IPO11: variants seen among roughly 807,000 people sequenced by gnomAD.
IPO11 encodes importin-11.
In IPO11, 66 loss-of-function variants were observed where a neutral mutation model predicts 143.2. The ratio of observed to expected loss-of-function variants is 0.46; its 90% CI spans 0.38 to 0.57. The LOEUF (loss-of-function observed/expected upper bound fraction) is 0.57. IPO11 is among the 20% of genes least tolerant of loss of function. IPO11 has a pLI of 0.00. For missense variants in IPO11, 1,026 were observed against 1,141.0 expected (o/e 0.90, Z 1.45); for synonymous variants, 385 against 377.8 (o/e 1.02, Z -0.22).
chr5:62,483,847 T>C (rs1322060639), intron 10 of IPO11, among the ~76,000 whole-genome samples, 163 bp from the exon 11 acceptor site: 1 of 152,188 alleles, frequency 6.6e-6, no homozygotes, highest in East Asian at 1.9e-4. Context: ...GAGTGTGTTG[T>C]AAGGAAAGAG....
At chr5:62,418,796 C>T (rs1743387820) in intron 1 of IPO11, 2 of 423,464 alleles carry the variant, frequency 4.7e-6, no homozygotes, top group Non-Finnish European at 8.4e-6. Context: ...GTCTCCAAGT[C>T]TCTGTTAATA....
rs1294281303 is a variant in IPO11, at chr5:62,470,235, G to A, written c.650-15G>A. The A allele has an allele frequency of 6.2e-7, 1 of 1,610,634 alleles. No homozygotes were observed. Among genetic ancestry groups the A allele is most frequent in the East Asian group, 2.2e-5 (1 of 44,758 alleles). The stretch of plus-strand genomic sequence containing the variant: ...ATAAAATAAGATTCAAGTAAAGCTT[G>A]CTTTTGCTTTTCAGTGCTGCGTAAG... On this transcript the variant is annotated splice_polypyrimidine_tract_variant and intron_variant, in intron 6 of 29. Coordinates refer to ENST00000325324, the MANE Select transcript of IPO11 (RefSeq NM_016338.5).
In IPO11 at chr5:62,620,570, G is replaced by A. The variant is rs1746319014; in HGVS notation, c.2764-6584G>A. Among the ~76,000 whole-genome samples the A allele has an allele frequency of 2.0e-5, 3 of 150,688 alleles. 1 individual carries two copies. Among genetic ancestry groups the A allele is most frequent in the African/African-American group, 7.3e-5 (3 of 41,018 alleles). On this transcript the variant is annotated intron_variant, in intron 29 of 29. Coordinates refer to ENST00000325324, the MANE Select transcript of IPO11 (RefSeq NM_016338.5). ...TTGGTCCAGAAAGGTGGGACAAAAT[G>A]TAGAGGCAGGAGGCTTTCAGATTAT... is the stretch of plus-strand genomic sequence containing the variant.
intron 3 of IPO11, among the ~76,000 whole-genome samples, chr5:62,443,633 G>GAA (rs139609720): frequency 1.4e-3 from 210 of 149,272 alleles, no homozygotes; most frequent in African/African-American, 5.0e-3. Context: ...TTAGGATTTG[G>GAA]AAGAAAAAAA....
chr5:62,555,479 A>ATTTATTTAT (rs1743543337), intron 26 of IPO11, among the ~76,000 whole-genome samples: 4 of 137,188 alleles, frequency 2.9e-5, no homozygotes, highest in Admixed American at 1.5e-4. Flanking sequence ...CACCTGGCTA[A>ATTTATTTAT]TTATTTATTT....
Position 62,490,115 on chromosome 5 carries a change from T to C in IPO11, c.1358T>C (p.Val453Ala), listed in dbSNP as rs1279800184. 1.3e-6 allele frequency: 2 copies of C among 1,566,482 alleles called. No homozygotes were observed. The highest frequency in any genetic ancestry group is 1.7e-6 in the Non-Finnish European group (2 of 1,160,230). The change falls in exon 15 of 30, where the codon GTG becomes GCG. Residue 453 changes from valine (V) to alanine (A), a missense_variant and splice_region_variant. Transcript: ENST00000325324. ...DMNALLIKDAVYNAVGLAAYE... is the reference protein window; with the variant it reads ...DMNALLIKDAAYNAVGLAAYE... ...TTTTTTTCTTAAATTTTCTTCTCAGTGTATAATGCTGTTGGATTAGCTGCT... is the reference window on the plus strand; with the variant it reads ...TTTTTTTCTTAAATTTTCTTCTCAGCGTATAATGCTGTTGGATTAGCTGCT...
intron 28 of IPO11, among the ~76,000 whole-genome samples, chr5:62,600,660 G>A (rs1459463418): frequency 6.6e-6 from 1 of 151,962 alleles, no homozygotes; most frequent in Non-Finnish European, 1.5e-5. Flanking sequence ...AGAGTCCATT[G>A]GCCAGCTACT....
At chr5:62,485,990 T>C (rs1361234924) in intron 12 of IPO11, among the ~76,000 whole-genome samples, 1 of 149,454 alleles carries the variant, frequency 6.7e-6, no homozygotes, top group African/African-American at 2.4e-5. Context: ...TTTTCTTTTT[T>C]TTTTTTTTTG....
chr5:62,623,645 CTTTTTTTT>C (rs34547621), intron 29 of IPO11, among the ~76,000 whole-genome samples: 2 of 134,270 alleles, frequency 1.5e-5, no homozygotes, highest in Non-Finnish European at 3.2e-5. Flanking sequence ...TCTTCTTTTT[CTTTTTTTT>C]TTTTTTTTTT....
At chr5:62,503,323 G>A (rs1411581509) in intron 16 of IPO11, among the ~76,000 whole-genome samples, 1 of 144,646 alleles carries the variant, frequency 6.9e-6, no homozygotes, top group Non-Finnish European at 1.5e-5. Context: ...TATATTAATA[G>A]TATCTACTAA....
At chr5:62,523,468 A>C (rs1742267212) in intron 20 of IPO11, among the ~76,000 whole-genome samples, 1 of 152,180 alleles carries the variant, frequency 6.6e-6, no homozygotes, top group Non-Finnish European at 1.5e-5. Flanking sequence ...TCAGTGCACC[A>C]CTGAGGACAC....
At chr5:62,554,583 T>C (rs32167) in intron 26 of IPO11, among the ~76,000 whole-genome samples, 14,847 of 152,210 alleles carry the variant, frequency 0.098, 806 homozygotes, top group East Asian at 0.14. Flanking sequence ...ATCAGTTGGC[T>C]GTAAATGTAT....
chr5:62,495,676 G>A (rs963079163), intron 16 of IPO11, among the ~76,000 whole-genome samples: 2 of 152,026 alleles, frequency 1.3e-5, no homozygotes, highest in East Asian at 3.9e-4. Context: ...TTGCCACATT[G>A]CCCAGGCTGG....
intron 5 of IPO11, among the ~76,000 whole-genome samples, chr5:62,459,150 G>C (rs1283139130): frequency 6.6e-6 from 1 of 151,946 alleles, no homozygotes; most frequent in African/African-American, 2.4e-5. Context: ...CATGAGAACA[G>C]TGTGTAGGCA....
chr5:62,573,165 C>G (rs1052247706), intron 27 of IPO11, among the ~76,000 whole-genome samples: 4 of 152,080 alleles, frequency 2.6e-5, no homozygotes, highest in Non-Finnish European at 5.9e-5. Flanking sequence ...CTACAGGTAC[C>G]TGCCACCACG....
chr5:62,555,654 C>T (rs1743551351), intron 26 of IPO11, among the ~76,000 whole-genome samples: 1 of 151,288 alleles, frequency 6.6e-6, no homozygotes, highest in African/African-American at 2.5e-5. Flanking sequence ...CAGGTGCCTG[C>T]CACCACGCTC....
chr5:62,563,166 ATTT>A (rs1409887857), intron 27 of IPO11, among the ~76,000 whole-genome samples: 1 of 152,244 alleles, frequency 6.6e-6, no homozygotes, highest in Non-Finnish European at 1.5e-5. Context: ...AGTTACCTAC[ATTT>A]TAACTCATTG....
intron 28 of IPO11, among the ~76,000 whole-genome samples, chr5:62,592,533 T>C (rs1293750448): frequency 6.6e-6 from 1 of 152,170 alleles, no homozygotes; most frequent in Non-Finnish European, 1.5e-5. Context: ...GTAGGCAGGT[T>C]TTTTTCTTTT....
chr5:62,440,725 G>T lies in IPO11; in HGVS notation c.139-2258G>T, dbSNP rs189070704. Among the ~76,000 whole-genome samples, 558 of 152,112 alleles carry T rather than the reference G, an allele frequency of 3.7e-3. 9 individuals are homozygous for T. The highest frequency in any genetic ancestry group is 0.013 in the African/African-American group (527 of 41,558). On this transcript the variant is annotated intron_variant, in intron 2 of 29. Coordinates refer to ENST00000325324, the MANE Select transcript of IPO11 (RefSeq NM_016338.5). ...CCCCTGTAATCCTAGCACTTTGGGA[G>T]GCCAGGGCAGGTGGATCACCTGAGG...
Sources: allele counts gnomAD v4.1 joint callset (sites outside exome capture counted in the v4.1 genomes callset), GRCh38; gene constraint gnomAD v4.1.1; transcripts MANE v1.5; gene names NCBI Gene and HGNC (gene_info 2026-07-23, HGNC 2026-07-21).